The following NAV2 variants were observed in gnomAD, a reference collection of about 807,000 sequenced individuals.
NAV2 encodes the protein helicase, APC down-regulated 1.
NAV2 carries 54 observed loss-of-function variants against 223.2 expected under a neutral mutation model. The observed-to-expected ratio is 0.24, with a 90% CI of 0.19 to 0.30. The LOEUF is 0.30. Ranked by LOEUF, NAV2 falls within the 10% of genes least tolerant of loss-of-function variation. The pLI, the probability that NAV2 is intolerant of heterozygous loss-of-function variation, is 1.00. For missense variants in NAV2, 2,806 were observed against 3,147.5 expected, an observed-to-expected ratio of 0.89 and a Z score of 2.60; for synonymous variants, 1,279 against 1,239.3, an observed-to-expected ratio of 1.03 and a Z score of -0.67.
chr11:19,654,362 G>T (rs2048056077), intron 1 of NAV2, among the ~76,000 whole-genome samples: 2 of 152,128 alleles, frequency 1.3e-5, no homozygotes, highest in Admixed American at 1.3e-4. Context: ...AGCTACCAAT[G>T]ACTTTCTTCA....
upstream of NAV2, among the ~76,000 whole-genome samples, chr11:19,710,215 C>A (rs1016286039): frequency 6.6e-6 from 1 of 152,158 alleles, no homozygotes; most frequent in Non-Finnish European, 1.5e-5. Flanking sequence ...TAGATGGATG[C>A]ACTCTGAGAT....
upstream of NAV2, among the ~76,000 whole-genome samples, chr11:19,709,650 T>C (rs956594739): frequency 2.0e-5 from 3 of 147,292 alleles, no homozygotes; most frequent in African/African-American, 7.6e-5. Flanking sequence ...GCCTGACCAA[T>C]ATGACGAAAC....
At chr11:19,960,455 G>C (rs942935617) in intron 10 of NAV2, among the ~76,000 whole-genome samples, 7 of 152,084 alleles carry the variant, frequency 4.6e-5, no homozygotes, top group Non-Finnish European at 2.9e-5. Flanking sequence ...CCATGGAAGA[G>C]TTGAAAAAGA....
intron 6 of NAV2, among the ~76,000 whole-genome samples, chr11:19,929,757 C>A (rs1187662368): frequency 6.6e-6 from 1 of 152,060 alleles, no homozygotes; most frequent in Non-Finnish European, 1.5e-5. Flanking sequence ...TCAAAATTAC[C>A]CACCAGCAAT....
chr11:19,619,216 C>T (rs1467926310), intron 1 of NAV2, among the ~76,000 whole-genome samples: 1 of 151,782 alleles, frequency 6.6e-6, no homozygotes. Flanking sequence ...CTGCAATAAA[C>T]ATACGTGTGC....
At chr11:19,924,673 G>T (rs2044580338) in intron 6 of NAV2, among the ~76,000 whole-genome samples, 1 of 152,196 alleles carries the variant, frequency 6.6e-6, no homozygotes, top group South Asian at 2.1e-4. Flanking sequence ...TCTCCACCAT[G>T]CATAGAAGAA....
At chr11:19,869,218 G>C (rs183717122) in intron 4 of NAV2, among the ~76,000 whole-genome samples, 81 of 152,338 alleles carry the variant, frequency 5.3e-4, no homozygotes, top group Non-Finnish European at 7.9e-4. Context: ...AAGACCCTGA[G>C]AGGGTAGTGA....
intron 22 of NAV2, 47 bp from the exon 23 acceptor site, chr11:20,077,505 T>C (rs1448340371): frequency 6.8e-7 from 1 of 1,461,370 alleles, no homozygotes. Flanking sequence ...TTCTAAGCAC[T>C]CTTGCCTTGC....
At chr11:19,423,803 G>A (rs1850713733) in intron 1 of NAV2, among the ~76,000 whole-genome samples, 1 of 152,218 alleles carries the variant, frequency 6.6e-6, no homozygotes, top group African/African-American at 2.4e-5. Flanking sequence ...AGTTGGTAGA[G>A]ATATTTGGGG....
At chr11:20,070,310 C>T (rs1254391804) in intron 22 of NAV2, among the ~76,000 whole-genome samples, 3 of 152,116 alleles carry the variant, frequency 2.0e-5, no homozygotes, top group Admixed American at 6.5e-5. Flanking sequence ...CCTGTCAAAC[C>T]ACAGTGATTC....
intron 19 of NAV2, among the ~76,000 whole-genome samples, chr11:20,061,981 G>A (rs989193880): frequency 6.6e-6 from 1 of 152,252 alleles, no homozygotes; most frequent in Non-Finnish European, 1.5e-5. Context: ...TTGTGAGTCA[G>A]TGCAGGTTGT....
At chr11:19,518,137 G>A (rs1398562563) in intron 1 of NAV2, among the ~76,000 whole-genome samples, 2 of 152,178 alleles carry the variant, frequency 1.3e-5, no homozygotes, top group African/African-American at 2.4e-5. Context: ...ATTAATGGAT[G>A]TTCAACTTTC....
chr11:20,067,647 T>A (rs1424961705), intron 20 of NAV2, among the ~76,000 whole-genome samples: 4 of 149,226 alleles, frequency 2.7e-5, no homozygotes, highest in Non-Finnish European at 6.0e-5. Flanking sequence ...CCGGCTAATT[T>A]TTTTTTTTTT....
chr11:19,565,818 T>C (rs2045248886), intron 1 of NAV2, among the ~76,000 whole-genome samples: 1 of 152,204 alleles, frequency 6.6e-6, no homozygotes, highest in African/African-American at 2.4e-5. Flanking sequence ...TGTGCAGACA[T>C]TTCAATTTTC....
chr11:19,630,110 A>G (rs951765395), intron 1 of NAV2, among the ~76,000 whole-genome samples: 2 of 152,128 alleles, frequency 1.3e-5, no homozygotes, highest in Non-Finnish European at 2.9e-5. Flanking sequence ...TGTTCCCCCA[A>G]CTCTGAGTCC....
At chr11:19,854,864 G>A (rs2152988973) in intron 3 of NAV2, among the ~76,000 whole-genome samples, 1 of 152,318 alleles carries the variant, frequency 6.6e-6, no homozygotes, top group African/African-American at 2.4e-5. Context: ...TGCATGGACT[G>A]ATTACTTATT....
At chr11:19,399,061 A>G (rs1204330891) in intron 1 of NAV2, among the ~76,000 whole-genome samples, 1 of 152,220 alleles carries the variant, frequency 6.6e-6, no homozygotes, top group Non-Finnish European at 1.5e-5. Flanking sequence ...TATTACTGCA[A>G]AAAGAGATGT....
intron 1 of NAV2, among the ~76,000 whole-genome samples, chr11:19,630,635 C>G (rs1465806392): frequency 1.3e-5 from 2 of 152,032 alleles, no homozygotes; most frequent in African/African-American, 4.8e-5. Flanking sequence ...ATCTCTAATC[C>G]CAACGCTTTG....
chr11:19,981,936 CA>C lies in NAV2; in HGVS notation c.2646-2181del. ...AGAAAACCTGTAATCAGTGTTCTTG[CA>C]AAAAAAATTTGCACAGCCCTATGGC... is the stretch of plus-strand genomic sequence containing the variant. On this transcript the variant is annotated intron_variant, in intron 10 of 37. Coordinates refer to ENST00000349880, the MANE Select transcript of NAV2 (RefSeq NM_145117.5). 2.6e-5 allele frequency among the ~76,000 whole-genome samples: 4 copies of C among 151,902 alleles called. 1 individual carries two copies. Among genetic ancestry groups the C allele is most frequent in the Admixed American group, 2.6e-4 (4 of 15,264 alleles).
Sources: gnomAD v4.1 joint callset for allele counts (sites outside exome capture counted in the v4.1 genomes callset) on GRCh38, gnomAD v4.1.1 for gene constraint, MANE v1.5 for transcripts, NCBI Gene and HGNC (gene_info 2026-07-23, HGNC 2026-07-21) for gene names.